Variants in ITGA4 observed in about 807,000 individuals in gnomAD.
ITGA4 encodes the protein integrin subunit alpha 4.
A neutral mutation model predicts 133.6 loss-of-function variants in ITGA4; 63 were observed. The observed-to-expected ratio is 0.47, with a 90% CI of 0.38 to 0.58. The LOEUF (loss-of-function observed/expected upper bound fraction) is 0.58. Ranked by LOEUF, ITGA4 falls within the 20% of genes least tolerant of loss-of-function variation. The pLI, the probability that ITGA4 is intolerant of heterozygous loss-of-function variation, is 0.00. For synonymous variants in ITGA4, 483 were observed against 438.0 expected (o/e 1.10, Z -1.28); for missense variants, 1,076 against 1,252.7 (o/e 0.86, Z 2.13).
chr2:181,458,065 C>T lies in ITGA4; in HGVS notation c.198-131C>T, dbSNP rs9653241. On this transcript the variant is annotated intron_variant, in intron 1 of 27. Transcript: ENST00000397033. ...GTTATGGTGCAAGGTCTTGGAGCTT[C>T]GAGTCGGGGGTGGTGGGCGGAGGAG... is the stretch of plus-strand genomic sequence containing the variant. 1.3e-3 allele frequency: 1,745 copies of T among 1,316,400 alleles called. 13 individuals carry two copies. The African/African-American group carries it at 0.022, about 16-fold the overall frequency. 81.5% of individuals were successfully genotyped at this position (1,316,400 alleles called of 1,614,324 possible). A position where few individuals can be genotyped will look rare whatever the true frequency, so the allele number is the denominator to read the frequency against.
chr2:181,488,615 G>T (rs1406549974), intron 10 of ITGA4, among the ~76,000 whole-genome samples: 3 of 151,580 alleles, frequency 2.0e-5, no homozygotes, highest in Non-Finnish European at 4.4e-5. Context: ...CCAGAGTGCA[G>T]TGGCATGATC....
At position 181,457,765 on chromosome 2, in the gene ITGA4, C is replaced by T; in HGVS notation, c.111C>T (p.Asp37=). The change falls in exon 1 of 28, where the codon GAC becomes GAT. Residue 37 remains aspartate (D), a synonymous_variant. Coordinates refer to ENST00000397033, the MANE Select transcript of ITGA4 (RefSeq NM_000885.6). ...GVPTGRPYNV[D]TESALLYQGP... The stretch of plus-strand genomic sequence containing the variant: ...CGACCGGCCGCCCCTACAACGTGGA[C>T]ACTGAGAGCGCGCTGCTTTACCAGG... 4 of 1,613,690 alleles carry T rather than the reference C, an allele frequency of 2.5e-6. No individual in the cohort carries two copies. The highest frequency in any genetic ancestry group is 3.4e-6 in the Non-Finnish European group (4 of 1,179,964).
chr2:181,499,360 G>A (rs180751166), intron 15 of ITGA4, among the ~76,000 whole-genome samples: 3 of 152,140 alleles, frequency 2.0e-5, no homozygotes, highest in African/African-American at 4.8e-5. Flanking sequence ...CCGATTTCAT[G>A]TTTCTTTTAT....
At chr2:181,467,638 A>G (rs1017973185) in intron 2 of ITGA4, among the ~76,000 whole-genome samples, 2 of 152,166 alleles carry the variant, frequency 1.3e-5, no homozygotes, top group East Asian at 3.8e-4. Flanking sequence ...AACAAGTGAA[A>G]GTCGATTGTA....
intron 10 of ITGA4, among the ~76,000 whole-genome samples, chr2:181,488,354 C>A (rs976683811): frequency 1.3e-5 from 2 of 152,126 alleles, no homozygotes; most frequent in Admixed American, 6.5e-5. Context: ...TCACTGAAAT[C>A]CCTCAGCACT....
intron 15 of ITGA4, among the ~76,000 whole-genome samples, chr2:181,499,406 T>C (rs1686223033): frequency 6.6e-6 from 1 of 152,148 alleles, no homozygotes; most frequent in Admixed American, 6.6e-5. Context: ...ATCACATTCC[T>C]CACATTGGTC....
Position 181,537,947 on chromosome 2 carries a change from C to A in ITGA4, c.*2420C>A, listed in dbSNP as rs758328553. 6 of 621,676 alleles carry A rather than the reference C, an allele frequency of 9.7e-6. No homozygotes were observed. Among genetic ancestry groups the A allele is most frequent in the Non-Finnish European group, 1.8e-5 (6 of 331,490 alleles). 38.5% of individuals were successfully genotyped at this position (621,676 alleles called of 1,614,324 possible). A position where few individuals can be genotyped will look rare whatever the true frequency, so the allele number is the denominator to read the frequency against. On this transcript the variant is annotated 3_prime_UTR_variant, in exon 28 of 28. Transcript: ENST00000397033. ...GCAGCATTAGATTCTCATAGAAGTG[C>A]GAACCATATGGTGAACTGGTATGTG...
intron 15 of ITGA4, among the ~76,000 whole-genome samples, chr2:181,501,628 G>T (rs1686273386): frequency 1.3e-5 from 2 of 152,130 alleles, no homozygotes; most frequent in Admixed American, 1.3e-4. Context: ...AAGTCAATTT[G>T]CTGACATCCA....
intron 4 of ITGA4, chr2:181,475,818 A>G: frequency 1.2e-6 from 2 of 1,600,784 alleles, no homozygotes; most frequent in Non-Finnish European, 8.5e-7. Flanking sequence ...TCTATGCTAT[A>G]GGTAGCATCA....
intron 10 of ITGA4, among the ~76,000 whole-genome samples, chr2:181,490,170 C>T (rs1686017063): frequency 6.6e-6 from 1 of 152,186 alleles, no homozygotes; most frequent in Admixed American, 6.5e-5. Flanking sequence ...CGATCTATAA[C>T]TACCAGGCCC....
chr2:181,496,750 TAGG>T (rs778282136), intron 14 of ITGA4, among the ~76,000 whole-genome samples: 1 of 152,320 alleles, frequency 6.6e-6, no homozygotes, highest in South Asian at 2.1e-4. Flanking sequence ...GAGCCTGTGG[TAGG>T]AGAAGAGCAT....
intron 15 of ITGA4, among the ~76,000 whole-genome samples, chr2:181,503,502 G>T (rs1686326221): frequency 6.7e-6 from 1 of 149,404 alleles, no homozygotes; most frequent in Non-Finnish European, 1.5e-5. Flanking sequence ...TATCACACAG[G>T]ATTACTTTGC....
At chr2:181,493,793 A>G (rs1483045107) in intron 11 of ITGA4, among the ~76,000 whole-genome samples, 2 of 152,218 alleles carry the variant, frequency 1.3e-5, no homozygotes, top group Non-Finnish European at 2.9e-5. Flanking sequence ...AAGATTGCAC[A>G]GGGAGATCAA....
At position 181,495,044 on chromosome 2, in the gene ITGA4, C is replaced by G. The variant is rs1223826460; in HGVS notation, c.1339+232C>G. 6.6e-6 allele frequency among the ~76,000 whole-genome samples: 1 copy of G among 152,044 alleles called. No individual in the cohort carries two copies. Among genetic ancestry groups the G allele is most frequent in the African/African-American group, 2.4e-5 (1 of 41,410 alleles). On this transcript the variant is annotated intron_variant, in intron 12 of 27. Coordinates refer to ENST00000397033, the MANE Select transcript of ITGA4 (RefSeq NM_000885.6). The surrounding 1 kb of genome is among the most constrained non-coding windows in gnomAD (Gnocchi z 4.3). ...GTGTTTTTGAAAACATGAAAGCACT[C>G]ATGAAAATCAAATATATGAGGAAAA...
chr2:181,467,837 T>C (rs1323692772), intron 2 of ITGA4, among the ~76,000 whole-genome samples: 1 of 152,290 alleles, frequency 6.6e-6, no homozygotes, highest in South Asian at 2.1e-4. Context: ...GGGCAAGTTA[T>C]TTGATTCCTT....
chr2:181,509,599 A>AT (rs888187135), intron 15 of ITGA4, 59 bp from the exon 16 acceptor site: 261 of 1,363,876 alleles, frequency 1.9e-4, no homozygotes, highest in South Asian at 6.4e-4. Flanking sequence ...AAGGAGTTTT[A>AT]TTTTTTTTTA....
intron 2 of ITGA4, among the ~76,000 whole-genome samples, chr2:181,472,495 C>A (rs1685578813): frequency 6.6e-6 from 1 of 152,148 alleles, no homozygotes; most frequent in East Asian, 1.9e-4. Flanking sequence ...ATTGTCTTAA[C>A]TGAGTGTTGA....
chr2:181,500,852 T>C (rs1040691420), intron 15 of ITGA4, among the ~76,000 whole-genome samples: 5 of 152,140 alleles, frequency 3.3e-5, no homozygotes, highest in South Asian at 2.1e-4. Context: ...ATGGAGCTTA[T>C]AGTCTACTGG....
chr2:181,511,846 C>A, intron 17 of ITGA4, 71 bp downstream of exon 17: 2 of 740,202 alleles, frequency 2.7e-6, no homozygotes, highest in African/African-American at 1.8e-5. Flanking sequence ...TTTGCATTCC[C>A]AAAAGAAAAG....
Sources: allele counts gnomAD v4.1 joint callset (sites outside exome capture counted in the v4.1 genomes callset), GRCh38; gene constraint gnomAD v4.1.1; non-coding constraint Gnocchi (gnomAD v3.1); transcripts MANE v1.5; gene names NCBI Gene and HGNC (gene_info 2026-07-23, HGNC 2026-07-21).